BRICD5: variants seen among roughly 807,000 people sequenced by gnomAD.
BRICD5 encodes BRICHOS domain-containing protein 5.
A neutral mutation model predicts 28.4 loss-of-function variants in BRICD5; 51 were observed. That is an observed-to-expected ratio of 1.80 (90% CI 1.43 to 2.27). BRICD5 has a LOEUF of 2.27. Ranked by LOEUF, BRICD5 falls within the 30% of genes most tolerant of loss-of-function variation. The pLI is 0.00. For synonymous variants in BRICD5, 177 were observed against 130.2 expected (o/e 1.36, Z -2.44); for missense variants, 456 against 309.6 (o/e 1.47, Z -3.55).
chr16:2,210,083 C>T lies in BRICD5; in HGVS notation c.337-32G>A. On this transcript the variant is annotated intron_variant, in intron 3 of 5. Coordinates refer to ENST00000328540, the MANE Select transcript of BRICD5 (RefSeq NM_182563.4). ...AGGCAGGGGGGTGAGGCGGGGCCCCCCAGACCGACACCTGCCAGGGTGACC... is the reference window on the plus strand; with the variant it reads ...AGGCAGGGGGGTGAGGCGGGGCCCCTCAGACCGACACCTGCCAGGGTGACC... The T allele has an allele frequency of 5.0e-6, 8 of 1,602,212 alleles. 1 individual carries two copies. The highest frequency in any genetic ancestry group is 2.2e-5 in the South Asian group (2 of 89,780).
In BRICD5 at chr16:2,210,202, G is replaced by A. The variant is rs1221632800; in HGVS notation, c.260C>T (p.Ala87Val). The change falls in exon 3 of 6, where the codon GCC becomes GTC. Residue 87 changes from alanine to valine, a missense_variant. Physicochemically the swap from Ala to Val is moderately conservative, Grantham distance 64. Coordinates refer to ENST00000328540, the MANE Select transcript of BRICD5 (RefSeq NM_182563.4). ...CACTGTGATGGTCGCCGCGTTCCGG[G>A]CCACGTCCACCAGGATGGTTTGGTT... ...RPNQTILVDV[A>V]RNAATITVTP... 1.9e-6 allele frequency: 3 copies of A among 1,592,970 alleles called. No individual in the cohort carries two copies. Among genetic ancestry groups the A allele is most frequent in the African/African-American group, 1.3e-5 (1 of 74,708 alleles).
At chr16:2,210,736 G>T in intron 1 of BRICD5, 47 bp downstream of exon 1, 1 of 1,609,108 alleles carries the variant, frequency 6.2e-7, no homozygotes. Flanking sequence ...TGGGTGGCCT[G>T]GGGCACCCCC....
chr16:2,210,068 G>T lies in BRICD5; in HGVS notation c.337-17C>A. 1 of 1,600,166 alleles carries T rather than the reference G, an allele frequency of 6.2e-7. No homozygotes were observed. Among genetic ancestry groups the T allele is most frequent in the Non-Finnish European group, 8.5e-7 (1 of 1,173,574 alleles). On this transcript the variant is annotated splice_polypyrimidine_tract_variant and intron_variant, in intron 3 of 5. Coordinates refer to ENST00000328540, the MANE Select transcript of BRICD5 (RefSeq NM_182563.4). ...GATGCAGCCCTGGGGAGGCAGGGGG[G>T]TGAGGCGGGGCCCCCCAGACCGACA...
At position 2,209,651 on chromosome 16, in the gene BRICD5, G is replaced by A; in HGVS notation, c.494C>T (p.Ala165Val). ...QDTHHTQELL[A>V]VQGSLEVDPA... The stretch of plus-strand genomic sequence containing the variant: ...GTCCACTTCGAGGCTCCCCTGCACT[G>A]CCAGCAGCTCCTGGGTGTGGTGGGT... Residue 165 changes from alanine to valine, a missense_variant, in exon 5 of 6, where the codon GCA (alanine) becomes GTA (valine). Physicochemically the swap from Ala to Val is moderately conservative, Grantham distance 64 (BLOSUM62 0). Coordinates refer to ENST00000328540, the MANE Select transcript of BRICD5 (RefSeq NM_182563.4). 1 of 1,613,412 alleles carries A rather than the reference G, an allele frequency of 6.2e-7. No individual in the cohort carries two copies.
In BRICD5 at chr16:2,209,983, C is replaced by T. The variant is rs2093366199; in HGVS notation, c.405G>A (p.Arg135=). The T allele has an allele frequency of 6.5e-7, 1 of 1,545,416 alleles. No individual in the cohort carries two copies. Among genetic ancestry groups the T allele is most frequent in the Admixed American group, 1.9e-5 (1 of 53,446 alleles). Reference sequence around the variant, plus strand: ...TATCCACCAGCAGCCGCAGGGTCTCCCGATCACTGTCCTCCATCAGGCGGA... The same window carrying T: ...TATCCACCAGCAGCCGCAGGGTCTCTCGATCACTGTCCTCCATCAGGCGGA... ...CFLRLMEDSD[R]ETLRLLVDTS... The change falls in exon 4 of 6, where the codon CGG becomes CGA. Residue 135 remains arginine, a synonymous_variant. Transcript: ENST00000328540.
Position 2,209,956 on chromosome 16 carries a change from GGTATCC to G in BRICD5, c.426_431del (p.Asp143_Thr144del). ...GCCCAGCAGGACGGCTCACCTTGGA[GGTATCC>G]ACCAGCAGCCGCAGGGTCTCCCGAT... On this transcript the variant is annotated inframe_deletion, in exon 4 of 6. Transcript: ENST00000328540. 2 of 1,529,042 alleles carry G rather than the reference GGTATCC, an allele frequency of 1.3e-6. No homozygotes were observed. The highest frequency in any genetic ancestry group is 1.8e-6 in the Non-Finnish European group (2 of 1,136,078). The allele number at this position is 1,529,042 out of a possible 1,614,324, so 94.7% of individuals were successfully genotyped here. A position where few individuals can be genotyped will look rare whatever the true frequency, so the allele number is the denominator to read the frequency against.
At chr16:2,209,904 T>C in intron 4 of BRICD5, 46 bp downstream of exon 4, 1 of 1,469,870 alleles carries the variant, frequency 6.8e-7, no homozygotes, top group Non-Finnish European at 9.0e-7. Flanking sequence ...CACAGGACCC[T>C]TTGTCTAGCC....
chr16:2,209,614 C>T lies in BRICD5; in HGVS notation c.531G>A (p.Ala177=), dbSNP rs144177469. Residue 177 remains alanine, a synonymous_variant, in exon 5 of 6, where the codon GCG becomes GCA. Transcript: ENST00000328540. ...QGSLEVDPAQ[A]GALVQRLCMR... ...TGCACAGGCGCTGCACCAAAGCCCC[C>T]GCCTGGGCGGGGTCCACTTCGAGGC... 9.6e-4 allele frequency: 1,544 copies of T among 1,613,118 alleles called. 6 individuals are homozygous for T. Among genetic ancestry groups the T allele is most frequent in the South Asian group, 4.2e-3 (380 of 91,078 alleles).
In BRICD5 at chr16:2,210,067, G is replaced by T. The variant is rs374349239; in HGVS notation, c.337-16C>A. ...AGATGCAGCCCTGGGGAGGCAGGGG[G>T]GTGAGGCGGGGCCCCCCAGACCGAC... is the stretch of plus-strand genomic sequence containing the variant. On this transcript the variant is annotated splice_polypyrimidine_tract_variant and intron_variant, in intron 3 of 5. Coordinates refer to ENST00000328540, the MANE Select transcript of BRICD5 (RefSeq NM_182563.4). 200 of 1,599,852 alleles carry T rather than the reference G, an allele frequency of 1.3e-4. No homozygotes were observed. The highest frequency in any genetic ancestry group is 1.6e-4 in the Non-Finnish European group (188 of 1,173,482).
intron 2 of BRICD5, 60 bp downstream of exon 2, chr16:2,210,462 A>G: frequency 1.9e-6 from 3 of 1,548,756 alleles, no homozygotes; most frequent in Non-Finnish European, 2.6e-6. Context: ...AGGCTGGGAT[A>G]TGCCAGCTTC....
rs755475248 is a variant in BRICD5 at position 2,210,577 on chromosome 16, G to GCCAGCA, written c.119_124dup (p.Val40_Leu41dup). 2.5e-6 allele frequency: 4 copies of GCCAGCA among 1,612,340 alleles called. No individual in the cohort carries two copies. Among genetic ancestry groups the GCCAGCA allele is most frequent in the Non-Finnish European group, 3.4e-6 (4 of 1,179,524 alleles). On this transcript the variant is annotated inframe_insertion, in exon 2 of 6. Coordinates refer to ENST00000328540, the MANE Select transcript of BRICD5 (RefSeq NM_182563.4). The stretch of plus-strand genomic sequence containing the variant: ...CCCTCCAGCCACAACCCCCACAGCG[G>GCCAGCA]CCAGCACCAGCAGCAGCAGCAGCAG...
At position 2,210,068 on chromosome 16, in the gene BRICD5, G is replaced by A. The variant is rs757766476; in HGVS notation, c.337-17C>T. 62 of 1,600,048 alleles carry A rather than the reference G, an allele frequency of 3.9e-5. No individual in the cohort carries two copies. The highest frequency in any genetic ancestry group is 3.1e-4 in the African/African-American group (23 of 74,712). Reference sequence around the variant, plus strand: ...GATGCAGCCCTGGGGAGGCAGGGGGGTGAGGCGGGGCCCCCCAGACCGACA... The same window carrying A: ...GATGCAGCCCTGGGGAGGCAGGGGGATGAGGCGGGGCCCCCCAGACCGACA... On this transcript the variant is annotated splice_polypyrimidine_tract_variant and intron_variant, in intron 3 of 5. Coordinates refer to ENST00000328540, the MANE Select transcript of BRICD5 (RefSeq NM_182563.4).
chr16:2,209,344 C>G lies in BRICD5; in HGVS notation c.*18G>C. ...CCCACTGGATTGGGGACGGGCCAGG[C>G]TGGGCCAGGTCGGGGGCTCAGTCTG... is the stretch of plus-strand genomic sequence containing the variant. On this transcript the variant is annotated 3_prime_UTR_variant, in exon 6 of 6. Transcript: ENST00000328540. 1.9e-6 allele frequency: 3 copies of G among 1,603,974 alleles called. 1 individual carries two copies. The highest frequency in any genetic ancestry group is 2.2e-5 in the South Asian group (2 of 90,414).
intron 4 of BRICD5, 84 bp from the exon 5 acceptor site, chr16:2,209,790 G>T: frequency 1.4e-6 from 2 of 1,444,536 alleles, no homozygotes; most frequent in Non-Finnish European, 1.9e-6. Flanking sequence ...CCAACCCCCA[G>T]TGATGTCCCC....
Position 2,209,293 on chromosome 16 carries a change from C to A in BRICD5, c.*69G>T. Reference sequence around the variant, plus strand: ...TTATTAGTCCCTGCCAGCAGCTGTCCTCCCTGGTGCAGGTGGCCTGGCCAG... The same window carrying A: ...TTATTAGTCCCTGCCAGCAGCTGTCATCCCTGGTGCAGGTGGCCTGGCCAG... On this transcript the variant is annotated 3_prime_UTR_variant, in exon 6 of 6. Coordinates refer to ENST00000328540, the MANE Select transcript of BRICD5 (RefSeq NM_182563.4). The A allele has an allele frequency of 1.4e-6, 2 of 1,398,730 alleles. No homozygotes were observed. The highest frequency in any genetic ancestry group is 1.2e-5 in the South Asian group (1 of 80,956). 86.6% of individuals were successfully genotyped at this position (1,398,730 alleles called of 1,614,324 possible). A position where few individuals can be genotyped will look rare whatever the true frequency, so the allele number is the denominator to read the frequency against.
Position 2,210,633 on chromosome 16 carries a change from G to C in BRICD5, c.69C>G (p.Ser23=). The C allele has an allele frequency of 6.2e-7, 1 of 1,611,726 alleles. No homozygotes were observed. Among genetic ancestry groups the C allele is most frequent in the South Asian group, 1.1e-5 (1 of 90,946 alleles). The stretch of plus-strand genomic sequence containing the variant: ...GGCTCACGGCTCTCCAGCCCCCGCA[G>C]GAGGGCTTGGTCTTCACCTGGGCGT... ...PGPTGVKTKP[S]CGGWRAVSLL... Residue 23 remains serine (S), a synonymous_variant, in exon 2 of 6, where the codon TCC becomes TCG. Coordinates refer to ENST00000328540, the MANE Select transcript of BRICD5 (RefSeq NM_182563.4).
Position 2,209,957 on chromosome 16 carries a change from G to A in BRICD5, c.431C>T (p.Thr144Ile). The change falls in exon 4 of 6, where the codon ACC becomes ATC. Residue 144 changes from threonine to isoleucine, a missense_variant. Physicochemically the swap from Thr to Ile is moderately conservative, Grantham distance 89. Transcript: ENST00000328540. The part of the protein sequence containing the change: ...DRETLRLLVD[T>I]SKVQEAWVPS... ...CCCAGCAGGACGGCTCACCTTGGAG[G>A]TATCCACCAGCAGCCGCAGGGTCTC... 2 of 1,530,016 alleles carry A rather than the reference G, an allele frequency of 1.3e-6. No individual in the cohort carries two copies. Among genetic ancestry groups the A allele is most frequent in the Non-Finnish European group, 1.8e-6 (2 of 1,136,568 alleles). 94.8% of individuals were successfully genotyped at this position (1,530,016 alleles called of 1,614,324 possible).
At chr16:2,209,754 C>T (rs2141395338) in intron 4 of BRICD5, 48 bp from the exon 5 acceptor site, 2 of 1,543,346 alleles carry the variant, frequency 1.3e-6, no homozygotes, top group East Asian at 4.5e-5. Context: ...GCTCCCTGCT[C>T]CTGGCTTGGC....
Position 2,209,780 on chromosome 16 carries a change from C to G in BRICD5, c.439-74G>C, listed in dbSNP as rs1027036537. 1.0e-5 allele frequency: 15 copies of G among 1,480,452 alleles called. No individual in the cohort carries two copies. In the East Asian group the frequency reaches 3.0e-4, roughly 29 times the overall value. The allele number at this position is 1,480,452 out of a possible 1,614,324, so 91.7% of individuals were successfully genotyped here. A position where few individuals can be genotyped will look rare whatever the true frequency, so the allele number is the denominator to read the frequency against. On this transcript the variant is annotated intron_variant, in intron 4 of 5. Transcript: ENST00000328540. ...CTGGCTTGGCAGGGCCGGGTACCCT[C>G]CAACCCCCAGTGATGTCCCCACCCT...
Sources: gnomAD v4.1 joint callset for allele counts on GRCh38, gnomAD v4.1.1 for gene constraint, MANE v1.5 for transcripts, NCBI Gene and HGNC (gene_info 2026-07-23, HGNC 2026-07-21) for gene names.